The following C16orf95 variants were observed in gnomAD, a reference collection of about 807,000 sequenced individuals.
C16orf95 encodes chromosome 16 open reading frame 95, also known as uncharacterized protein C16orf95.
In C16orf95, 41 loss-of-function variants were observed where a neutral mutation model predicts 32.1. The ratio of observed to expected loss-of-function variants is 1.28; its 90% CI spans 1.00 to 1.66. The LOEUF (loss-of-function observed/expected upper bound fraction) is 1.66. C16orf95 is among the 40% of genes most tolerant of loss of function. C16orf95 has a pLI of 0.00. For synonymous variants in C16orf95, 147 were observed against 128.9 expected, an observed-to-expected ratio of 1.14 and a Z score of -0.95; for missense variants, 399 against 325.9, an observed-to-expected ratio of 1.22 and a Z score of -1.73.
At chr16:87,310,538 G>A (rs928195014) in intron 4 of C16orf95, among the ~76,000 whole-genome samples, 1 of 152,194 alleles carries the variant, frequency 6.6e-6, no homozygotes, top group South Asian at 2.1e-4. Flanking sequence ...GAAGTCAGGG[G>A]GAAGGAAGGA....
chr16:87,311,008 G>A, intron 4 of C16orf95, 142 bp downstream of exon 4: 2 of 813,176 alleles, frequency 2.5e-6, no homozygotes, highest in Non-Finnish European at 3.6e-6. Flanking sequence ...ACAGCTGCCA[G>A]GGGATCTTCT....
At chr16:87,311,401 C>G in intron 3 of C16orf95, 105 bp from the exon 4 acceptor site, 4 of 1,256,464 alleles carry the variant, frequency 3.2e-6, no homozygotes, top group Non-Finnish European at 3.2e-6. Flanking sequence ...CTGGCTGGGT[C>G]TTAGTATCAG....
At chr16:87,311,745 G>A (rs992034209) in intron 3 of C16orf95, among the ~76,000 whole-genome samples, 6 of 152,164 alleles carry the variant, frequency 3.9e-5, no homozygotes, top group African/African-American at 1.4e-4. Context: ...CCTTTGATGC[G>A]GCAATTCCAC....
intron 5 of C16orf95, among the ~76,000 whole-genome samples, chr16:87,308,085 G>A (rs1300941752): frequency 1.3e-5 from 2 of 152,198 alleles, no homozygotes; most frequent in Non-Finnish European, 2.9e-5. Context: ...TTTGACAAGA[G>A]GAATGAGCGG....
rs762979329 is a variant in C16orf95, at chr16:87,305,098, G to T, written c.701+621C>A. ...CACCGCCTAGGCCGAGAGTAAAGGA[G>T]TAAGAGGAAGTAGCTGTTCCCCGAA... On this transcript the variant is annotated intron_variant, in intron 6 of 6. Transcript: ENST00000567970. The surrounding 1 kb of genome is among the most constrained non-coding windows in gnomAD (Gnocchi z 4.2). Among the ~76,000 whole-genome samples the T allele has an allele frequency of 1.3e-5, 2 of 152,164 alleles. No homozygotes were observed. The highest frequency in any genetic ancestry group is 3.9e-4 in the East Asian group (2 of 5,176).
At chr16:87,313,729 A>G (rs1473633705) in intron 3 of C16orf95, among the ~76,000 whole-genome samples, 3 of 152,214 alleles carry the variant, frequency 2.0e-5, no homozygotes, top group Non-Finnish European at 4.4e-5. Context: ...CCCGGTCTCA[A>G]AAAAGGAAAG....
intron 3 of C16orf95, 119 bp downstream of exon 3, chr16:87,314,852 C>T (rs1226435755): frequency 1.1e-6 from 1 of 916,674 alleles, no homozygotes; most frequent in Non-Finnish European, 1.6e-6. Flanking sequence ...TAATATCAAA[C>T]TGTCTCCCTG....
At chr16:87,314,940 AG>A (rs1236454842) in intron 3 of C16orf95, 30 bp downstream of exon 3, 21 of 1,532,384 alleles carry the variant, frequency 1.4e-5, no homozygotes, top group Non-Finnish European at 1.8e-5. Context: ...CCTGGACCCT[AG>A]GGGAAGACCT....
intron 2 of C16orf95, 75 bp from the exon 3 acceptor site, chr16:87,315,171 G>A (rs1266376845): frequency 3.5e-6 from 5 of 1,434,790 alleles, no homozygotes; most frequent in Admixed American, 2.1e-5. Flanking sequence ...CTCAAGCACA[G>A]TAGATCCGTG....
chr16:87,303,935 C>G (rs1405533251), intron 6 of C16orf95, among the ~76,000 whole-genome samples: 2 of 152,188 alleles, frequency 1.3e-5, no homozygotes, highest in Non-Finnish European at 2.9e-5. Flanking sequence ...TCCATCTTAC[C>G]AAGTAATTTG....
At chr16:87,315,733 T>C in intron 2 of C16orf95, 39 bp downstream of exon 2, 5 of 1,482,046 alleles carry the variant, frequency 3.4e-6, no homozygotes, top group Non-Finnish European at 4.5e-6. Flanking sequence ...AGGGATATGT[T>C]GGGGTCAGGG....
rs578022201 is a variant in C16orf95 at position 87,309,803 on chromosome 16, T to C, written c.514+494A>G. On this transcript the variant is annotated intron_variant, in intron 5 of 6. Transcript: ENST00000567970. ...CATGAACATGTGAATGTACATACAC[T>C]AGGTCACAAATATATGAATGTATGA... is the stretch of plus-strand genomic sequence containing the variant. Among the ~76,000 whole-genome samples the C allele has an allele frequency of 3.9e-5, 6 of 152,334 alleles. No individual in the cohort carries two copies. In the South Asian group the frequency reaches 1.2e-3, roughly 32 times the overall value.
chr16:87,305,162 T>G lies in C16orf95; in HGVS notation c.701+557A>C, dbSNP rs1026413943. Reference sequence around the variant, plus strand: ...CCGGGGAGTGGCCCCGGAGGCTTCCTGGGGGAGGTATCCCAGCAGAAAGCC... The same window carrying G: ...CCGGGGAGTGGCCCCGGAGGCTTCCGGGGGGAGGTATCCCAGCAGAAAGCC... On this transcript the variant is annotated intron_variant, in intron 6 of 6. Transcript: ENST00000567970. This position sits in a 1 kb window ranked among gnomAD's most constrained non-coding sequence, Gnocchi z 4.2. 6.6e-6 allele frequency among the ~76,000 whole-genome samples: 1 copy of G among 152,112 alleles called. No individual in the cohort carries two copies. The highest frequency in any genetic ancestry group is 1.5e-5 in the Non-Finnish European group (1 of 68,000).
chr16:87,312,517 C>T (rs1048107579), intron 3 of C16orf95, among the ~76,000 whole-genome samples: 3 of 135,748 alleles, frequency 2.2e-5, no homozygotes, highest in South Asian at 2.2e-4. Flanking sequence ...TGCAGTGAGC[C>T]GAAATCATGC....
intron 3 of C16orf95, among the ~76,000 whole-genome samples, chr16:87,314,204 GC>G (rs552170740): frequency 1.0e-3 from 153 of 152,204 alleles, no homozygotes; most frequent in Non-Finnish European, 1.7e-3. Context: ...TGCATACAAA[GC>G]CTTGTACACA....
intron 5 of C16orf95, among the ~76,000 whole-genome samples, chr16:87,309,618 G>A (rs8045932): frequency 0.55 from 83,188 of 151,660 alleles, 23,320 homozygotes; most frequent in Non-Finnish European, 0.6. Context: ...TCCTAAGCTC[G>A]GGCATTCCAG....
chr16:87,307,331 A>G (rs1338561502), intron 5 of C16orf95, among the ~76,000 whole-genome samples: 3 of 152,228 alleles, frequency 2.0e-5, no homozygotes, highest in African/African-American at 7.2e-5. Flanking sequence ...ATGTCATGAG[A>G]GCAGGAATAC....
At chr16:87,315,659 G>T in intron 2 of C16orf95, 113 bp downstream of exon 2, 1 of 827,140 alleles carries the variant, frequency 1.2e-6, no homozygotes, top group Non-Finnish European at 1.8e-6. Context: ...ACACTTTTGT[G>T]TTTGGAGGAT....
chr16:87,302,988 G>C lies in C16orf95; in HGVS notation c.*69C>G. 1 of 1,476,776 alleles carries C rather than the reference G, an allele frequency of 6.8e-7. No individual in the cohort carries two copies. Among genetic ancestry groups the C allele is most frequent in the Middle Eastern group, 1.7e-4 (1 of 5,894 alleles). 91.5% of individuals were successfully genotyped at this position (1,476,776 alleles called of 1,614,324 possible). A position where few individuals can be genotyped will look rare whatever the true frequency, so the allele number is the denominator to read the frequency against. Reference sequence around the variant, plus strand: ...CTGTCACAGACGCCTCCTGATTGGTGGACTCTCAAAGATCTTGATCGTGAC... The same window carrying C: ...CTGTCACAGACGCCTCCTGATTGGTCGACTCTCAAAGATCTTGATCGTGAC... On this transcript the variant is annotated 3_prime_UTR_variant, in exon 7 of 7. Transcript: ENST00000567970.
Sources: gnomAD v4.1 joint callset for allele counts (sites outside exome capture counted in the v4.1 genomes callset) on GRCh38, gnomAD v4.1.1 for gene constraint, Gnocchi (gnomAD v3.1) non-coding constraint, MANE v1.5 for transcripts, NCBI Gene and HGNC (gene_info 2026-07-23, HGNC 2026-07-21) for gene names.